The following SNTG1 variants were observed in gnomAD, a reference collection of about 807,000 sequenced individuals.
SNTG1 encodes syntrophin gamma 1.
A neutral mutation model predicts 74.7 loss-of-function variants in SNTG1; 39 were observed. The ratio of observed to expected loss-of-function variants is 0.52; its 90% CI spans 0.40 to 0.68. SNTG1 has a LOEUF of 0.68. Ranked by LOEUF, SNTG1 falls within the 30% of genes least tolerant of loss-of-function variation. The pLI is 0.00. For synonymous variants in SNTG1, 254 were observed against 217.1 expected (o/e 1.17, Z -1.49); for missense variants, 685 against 609.5 (o/e 1.12, Z -1.30).
intron 8 of SNTG1, among the ~76,000 whole-genome samples, chr8:50,499,520 A>G (rs1021038217): frequency 6.6e-6 from 1 of 151,466 alleles, no homozygotes; most frequent in African/African-American, 2.4e-5. Flanking sequence ...ATAGATACCT[A>G]AATTTTTTCT....
intron 1 of SNTG1, among the ~76,000 whole-genome samples, chr8:49,998,587 GACACACACACACAC>G (rs56162374): frequency 2.9e-5 from 4 of 136,838 alleles, no homozygotes; most frequent in Non-Finnish European, 6.4e-5. Flanking sequence ...TAAAAATTAA[GACACACACACACAC>G]ACACACACAC....
At chr8:50,245,639 C>A (rs1173261677) in intron 2 of SNTG1, among the ~76,000 whole-genome samples, 1 of 151,960 alleles carries the variant, frequency 6.6e-6, no homozygotes, top group Non-Finnish European at 1.5e-5. Flanking sequence ...GCCGAGATTG[C>A]ACCACTGCAC....
intron 1 of SNTG1, among the ~76,000 whole-genome samples, chr8:49,916,779 G>A (rs1240633217): frequency 6.6e-6 from 1 of 152,012 alleles, no homozygotes; most frequent in African/African-American, 2.4e-5. Flanking sequence ...ACCGAGGCAA[G>A]AGGATCACTT....
At chr8:49,929,840 A>G (rs947562354) in intron 1 of SNTG1, among the ~76,000 whole-genome samples, 1 of 147,190 alleles carries the variant, frequency 6.8e-6, no homozygotes, top group Non-Finnish European at 1.5e-5. Context: ...AGCATTAGGT[A>G]TATCTCCCAA....
intron 18 of SNTG1, among the ~76,000 whole-genome samples, chr8:50,784,728 C>T (rs2095669845): frequency 6.6e-6 from 1 of 152,266 alleles, no homozygotes; most frequent in South Asian, 2.1e-4. Context: ...GAAGAACATA[C>T]ATTTTTAACT....
intron 17 of SNTG1, among the ~76,000 whole-genome samples, chr8:50,719,788 T>C (rs1391967549): frequency 3.3e-5 from 5 of 152,170 alleles, no homozygotes; most frequent in African/African-American, 9.7e-5. Context: ...ACTTACCAGA[T>C]TGATATCATT....
rs2095695469 is a variant in SNTG1 at position 50,792,912 on chromosome 8, T to C, written c.*83T>C. ...ATCATTTTAGACCCTAGAGAAACCA[T>C]AACATCACCAAGTCGACAGTGGAGG... On this transcript the variant is annotated 3_prime_UTR_variant, in exon 19 of 19. Coordinates refer to ENST00000642720, the MANE Select transcript of SNTG1 (RefSeq NM_018967.5). The C allele has an allele frequency of 7.1e-7, 1 of 1,402,224 alleles. No individual in the cohort carries two copies. Among genetic ancestry groups the C allele is most frequent in the Admixed American group, 2.5e-5 (1 of 39,440 alleles). The allele number at this position is 1,402,224 out of a possible 1,614,324, so 86.9% of individuals were successfully genotyped here.
chr8:50,380,531 A>G (rs1402210143), intron 2 of SNTG1, among the ~76,000 whole-genome samples: 1 of 152,214 alleles, frequency 6.6e-6, no homozygotes, highest in Non-Finnish European at 1.5e-5. Context: ...TCATCAAGTA[A>G]AGCATTATGG....
At chr8:49,932,161 C>T (rs1426955568) in intron 1 of SNTG1, among the ~76,000 whole-genome samples, 3 of 152,134 alleles carry the variant, frequency 2.0e-5, no homozygotes, top group African/African-American at 7.2e-5. Context: ...TAAAACAGGT[C>T]AGTTTTACTT....
intron 5 of SNTG1, among the ~76,000 whole-genome samples, chr8:50,444,209 A>G (rs1452785272): frequency 6.6e-6 from 1 of 152,202 alleles, no homozygotes; most frequent in African/African-American, 2.4e-5. Flanking sequence ...CAATTTTGTA[A>G]GATAAAGGGT....
intron 2 of SNTG1, among the ~76,000 whole-genome samples, chr8:50,179,415 T>C (rs998738745): frequency 2.6e-5 from 4 of 152,140 alleles, no homozygotes; most frequent in African/African-American, 4.8e-5. Flanking sequence ...TTTAAAAATA[T>C]TAAAACTTTC....
At chr8:50,770,947 C>A (rs553415358) in intron 18 of SNTG1, among the ~76,000 whole-genome samples, 11 of 152,198 alleles carry the variant, frequency 7.2e-5, no homozygotes, top group Admixed American at 6.5e-4. Context: ...GGCTGCCCAA[C>A]CTTGAACTTT....
At chr8:50,449,544 A>T in intron 5 of SNTG1, 124 bp from the exon 6 acceptor site, 1 of 627,744 alleles carries the variant, frequency 1.6e-6, no homozygotes, top group Non-Finnish European at 2.4e-6. Context: ...GAGAAATTCC[A>T]CAAGTTTATT....
intron 2 of SNTG1, among the ~76,000 whole-genome samples, chr8:50,227,209 C>A (rs914444587): frequency 2.1e-4 from 32 of 152,004 alleles, no homozygotes; most frequent in Admixed American, 1.3e-3. Context: ...AACTACAGAC[C>A]TATAGAAAAA....
chr8:50,652,113 G>A (rs1200241985), intron 13 of SNTG1, among the ~76,000 whole-genome samples: 6 of 152,074 alleles, frequency 3.9e-5, no homozygotes, highest in Non-Finnish European at 8.8e-5. Flanking sequence ...CAAATCTTTT[G>A]GAGGGGGATA....
At chr8:50,387,703 G>GA (rs1239671744) in intron 2 of SNTG1, among the ~76,000 whole-genome samples, 2 of 152,022 alleles carry the variant, frequency 1.3e-5, no homozygotes, top group Admixed American at 6.6e-5. Context: ...TGTATAAATT[G>GA]AAAAAATATG....
intron 15 of SNTG1, among the ~76,000 whole-genome samples, chr8:50,689,804 G>A (rs111361607): frequency 0.022 from 3,293 of 152,152 alleles, 99 homozygotes; most frequent in African/African-American, 0.071. Flanking sequence ...TATTGATTCG[G>A]ATAGTTTCAG....
At chr8:50,459,271 G>A (rs894001168) in intron 8 of SNTG1, among the ~76,000 whole-genome samples, 17 of 151,894 alleles carry the variant, frequency 1.1e-4, no homozygotes, top group Non-Finnish European at 2.1e-4. Flanking sequence ...TTGTAACTTT[G>A]TACTATGTTT....
chr8:50,749,906 C>T (rs572829141), intron 17 of SNTG1, among the ~76,000 whole-genome samples: 1 of 152,172 alleles, frequency 6.6e-6, no homozygotes, highest in South Asian at 2.1e-4. Flanking sequence ...AATATCCATT[C>T]TGCAGTCCAT....
Sources: gnomAD v4.1 joint callset for allele counts (sites outside exome capture counted in the v4.1 genomes callset) on GRCh38, gnomAD v4.1.1 for gene constraint, MANE v1.5 for transcripts, NCBI Gene and HGNC (gene_info 2026-07-23, HGNC 2026-07-21) for gene names.